LSAMP: variants seen among roughly 807,000 people sequenced by gnomAD.
LSAMP encodes the protein limbic system-associated membrane protein.
A neutral mutation model predicts 38.6 loss-of-function variants in LSAMP; 7 were observed. The ratio of observed to expected loss-of-function variants is 0.18; its 90% CI spans 0.10 to 0.34. The LOEUF (loss-of-function observed/expected upper bound fraction) is 0.34, where lower values mean the gene tolerates loss of function less well. Ranked by LOEUF, LSAMP falls within the 10% of genes least tolerant of loss-of-function variation. LSAMP has a pLI of 1.00. For synonymous variants in LSAMP, 154 were observed against 166.8 expected (o/e 0.92, Z 0.59); for missense variants, 313 against 420.0 (o/e 0.75, Z 2.23).
chr3:115,954,877 T>C (rs529481558), intron 3 of LSAMP, among the ~76,000 whole-genome samples: 1 of 152,128 alleles, frequency 6.6e-6, no homozygotes. Flanking sequence ...TCTTTGGTAA[T>C]TTTTGCCAGG....
intron 1 of LSAMP, among the ~76,000 whole-genome samples, chr3:116,353,174 G>A (rs1239431138): frequency 6.6e-6 from 1 of 152,044 alleles, no homozygotes; most frequent in Non-Finnish European, 1.5e-5. Context: ...ACAGCTGCAG[G>A]CAAACCAAGA....
At chr3:116,138,280 G>C (rs1709293604) in intron 1 of LSAMP, among the ~76,000 whole-genome samples, 1 of 152,000 alleles carries the variant, frequency 6.6e-6, no homozygotes, top group African/African-American at 2.4e-5. Context: ...TACACAACTT[G>C]TGTTAAAATT....
rs199988997 is a variant in LSAMP, at chr3:116,298,428, G to GA, written c.155+146448dup. On this transcript the variant is annotated intron_variant, in intron 1 of 6. Coordinates refer to ENST00000490035, the MANE Select transcript of LSAMP (RefSeq NM_002338.5). Reference sequence around the variant, plus strand: ...GAGAGATGTATGTGTTCAGAAGGGGGAAAAAAAAAACTGGGAGTTAGGAGG... The same window carrying GA: ...GAGAGATGTATGTGTTCAGAAGGGGGAAAAAAAAAAACTGGGAGTTAGGAGG... 1.1e-4 allele frequency among the ~76,000 whole-genome samples: 17 copies of GA among 148,672 alleles called. 1 individual carries two copies. The highest frequency in any genetic ancestry group is 6.9e-3 in the Middle Eastern group (2 of 290).
chr3:115,891,167 CATA>C (rs1258236882), intron 3 of LSAMP, among the ~76,000 whole-genome samples: 5 of 151,926 alleles, frequency 3.3e-5, no homozygotes, highest in African/African-American at 1.2e-4. Flanking sequence ...ATTGTTGTGA[CATA>C]ATGTCAGGAA....
chr3:116,229,904 G>T (rs576843102), intron 1 of LSAMP, among the ~76,000 whole-genome samples: 4 of 152,234 alleles, frequency 2.6e-5, no homozygotes, highest in African/African-American at 9.6e-5. Context: ...GAAAGAGAGG[G>T]TAACTGAATT....
At chr3:116,040,423 C>CA (rs1256023628) in intron 2 of LSAMP, among the ~76,000 whole-genome samples, 1 of 147,266 alleles carries the variant, frequency 6.8e-6, no homozygotes, top group African/African-American at 2.5e-5. Flanking sequence ...CTCATCTGGA[C>CA]AAAAAAACTA....
intron 1 of LSAMP, among the ~76,000 whole-genome samples, chr3:116,319,792 G>GT (rs879615588): frequency 0.056 from 7,932 of 140,724 alleles, 255 homozygotes; most frequent in Middle Eastern, 0.082. Flanking sequence ...TAGACTCAAA[G>GT]TTTTTTTTTT....
rs748604642 is a variant in LSAMP, at chr3:116,086,547, T to C, written c.165A>G (p.Val55=). 1 of 1,613,958 alleles carries C rather than the reference T, an allele frequency of 6.2e-7. No homozygotes were observed. Among genetic ancestry groups the C allele is most frequent in the South Asian group, 1.1e-5 (1 of 91,074 alleles). ...QGDTAILRCV[V]EDKNSKVAWL... ...AGGCCACCTTTGAGTTCTTGTCTTC[T>C]ACAACGCACCTGACAGAGCAGAGTA... The change falls in exon 2 of 7, where the codon GTA becomes GTG. Residue 55 remains valine (V), a synonymous_variant. Transcript: ENST00000490035.
In LSAMP at chr3:115,891,285, C is replaced by T. The variant is rs978479138; in HGVS notation, c.515-38668G>A. Among the ~76,000 whole-genome samples the T allele has an allele frequency of 2.0e-5, 3 of 151,994 alleles. No homozygotes were observed. The South Asian group carries it at 6.2e-4, about 31-fold the overall frequency. On this transcript the variant is annotated intron_variant, in intron 3 of 6. Coordinates refer to ENST00000490035, the MANE Select transcript of LSAMP (RefSeq NM_002338.5). ...GCTCAGCCTTGTGATTTGCTGTACC[C>T]ATCAAGATGCTGGTAAATGTGATAT...
At chr3:115,901,481 A>T (rs960320844) in intron 3 of LSAMP, among the ~76,000 whole-genome samples, 15 of 152,264 alleles carry the variant, frequency 9.9e-5, no homozygotes, top group African/African-American at 1.4e-4. Context: ...TGGATGACAC[A>T]CTAGCATTTC....
intron 6 of LSAMP, among the ~76,000 whole-genome samples, chr3:115,818,967 C>T (rs2107461820): frequency 6.7e-6 from 1 of 148,596 alleles, no homozygotes; most frequent in Non-Finnish European, 1.5e-5. Context: ...TGAGGCCAGC[C>T]TGGCCAGCAT....
intron 3 of LSAMP, among the ~76,000 whole-genome samples, chr3:115,929,203 C>T (rs111384594): frequency 8.6e-4 from 130 of 151,362 alleles, no homozygotes; most frequent in African/African-American, 2.1e-3. Context: ...GAAGACTAGT[C>T]AAAACAAAAA....
intron 2 of LSAMP, among the ~76,000 whole-genome samples, chr3:116,047,354 CT>C (rs1298936608): frequency 5.6e-5 from 8 of 143,394 alleles, no homozygotes; most frequent in Non-Finnish European, 1.2e-4. Flanking sequence ...TAGTGTCTTT[CT>C]TAAAATACGA....
chr3:116,050,431 G>A (rs955610214), intron 2 of LSAMP, among the ~76,000 whole-genome samples: 5 of 151,726 alleles, frequency 3.3e-5, no homozygotes, highest in Admixed American at 6.6e-5. Context: ...TCCAATTTAA[G>A]TTTGCCATCT....
chr3:116,337,096 A>C (rs1303398815), intron 1 of LSAMP, among the ~76,000 whole-genome samples: 3 of 151,952 alleles, frequency 2.0e-5, no homozygotes, highest in Non-Finnish European at 4.4e-5. Context: ...TATCAGATTG[A>C]ACTTATGAGG....
intron 3 of LSAMP, among the ~76,000 whole-genome samples, chr3:115,957,861 A>G (rs1180581617): frequency 2.0e-5 from 3 of 152,108 alleles, no homozygotes; most frequent in Admixed American, 6.6e-5. Context: ...ACCTTGTTGT[A>G]GAGGCTTTTT....
intron 1 of LSAMP, among the ~76,000 whole-genome samples, chr3:116,409,775 A>C (rs2048946691): frequency 6.6e-6 from 1 of 152,102 alleles, no homozygotes; most frequent in Admixed American, 6.6e-5. Flanking sequence ...TGCCCTTTTA[A>C]ATGGTAATAA....
intron 1 of LSAMP, among the ~76,000 whole-genome samples, chr3:116,391,272 C>T (rs1207017268): frequency 1.3e-5 from 2 of 151,754 alleles, no homozygotes; most frequent in Admixed American, 1.3e-4. Context: ...GCAGCAGTGG[C>T]GGTGGTGGGA....
At chr3:116,111,974 T>A (rs1048564046) in intron 1 of LSAMP, among the ~76,000 whole-genome samples, 2 of 152,164 alleles carry the variant, frequency 1.3e-5, no homozygotes, top group Non-Finnish European at 2.9e-5. Context: ...AGGGAGACAA[T>A]AGAAGGTTTA....
Sources: allele counts gnomAD v4.1 joint callset (sites outside exome capture counted in the v4.1 genomes callset), GRCh38; gene constraint gnomAD v4.1.1; transcripts MANE v1.5; gene names NCBI Gene and HGNC (gene_info 2026-07-23, HGNC 2026-07-21).